TAF11: variants seen among roughly 807,000 people sequenced by gnomAD.
The protein encoded by TAF11 is transcription initiation factor TFIID subunit 11.
In TAF11, 10 loss-of-function variants were observed where a neutral mutation model predicts 23.0. The ratio of observed to expected loss-of-function variants is 0.43; its 90% CI spans 0.27 to 0.74. The LOEUF (loss-of-function observed/expected upper bound fraction) is 0.74. TAF11 is among the 30% of genes least tolerant of loss of function. The pLI, the probability that TAF11 is intolerant of heterozygous loss-of-function variation, is 0.19. For missense variants in TAF11, 196 were observed against 261.7 expected, an observed-to-expected ratio of 0.75 and a Z score of 1.73; for synonymous variants, 85 against 95.8, an observed-to-expected ratio of 0.89 and a Z score of 0.66.
intron 1 of TAF11, among the ~76,000 whole-genome samples, chr6:34,886,114 C>G (rs4646919): frequency 6.6e-6 from 1 of 152,014 alleles, no homozygotes. Flanking sequence ...GGCGGCAGAG[C>G]GAGACTCTGT....
In TAF11 at chr6:34,880,165, A is replaced by C; in HGVS notation, c.409-102T>G. 6.6e-7 allele frequency: 1 copy of C among 1,519,068 alleles called. No homozygotes were observed. Among genetic ancestry groups the C allele is most frequent in the South Asian group, 1.1e-5 (1 of 87,462 alleles). The allele number at this position is 1,519,068 out of a possible 1,614,324, so 94.1% of individuals were successfully genotyped here. On this transcript the variant is annotated intron_variant, in intron 3 of 4. Coordinates refer to ENST00000361288, the MANE Select transcript of TAF11 (RefSeq NM_005643.4). The surrounding 1 kb of genome is among the most constrained non-coding windows in gnomAD (Gnocchi z 4.8). ...GAAAAAGGTAAGATAACTGAAGTGC[A>C]TTTTTTTTCCCACCTAAATAATCCC...
At chr6:34,881,154 T>G (rs1766416952) in intron 2 of TAF11, among the ~76,000 whole-genome samples, 1 of 152,158 alleles carries the variant, frequency 6.6e-6, no homozygotes, top group Non-Finnish European at 1.5e-5. Context: ...TGCAAAGATA[T>G]GTCCAAAGAT....
rs1698124240 is a variant in TAF11 at position 34,883,206 on chromosome 6, A to T, written c.172-126T>A. ...ATTGAGTAGTTTTTCAGTTCTAGGC[A>T]CTGACTGTACCATCAAGGATAAGAT... On this transcript the variant is annotated intron_variant, in intron 1 of 4. Transcript: ENST00000361288. The T allele has an allele frequency of 4.5e-6, 4 of 893,878 alleles. No individual in the cohort carries two copies. In the African/African-American group the frequency reaches 6.8e-5, roughly 15 times the overall value. 55.4% of individuals were successfully genotyped at this position (893,878 alleles called of 1,614,324 possible).
At chr6:34,882,077 C>T (rs1293649938) in intron 2 of TAF11, among the ~76,000 whole-genome samples, 3 of 150,334 alleles carry the variant, frequency 2.0e-5, no homozygotes, top group Admixed American at 6.6e-5. Context: ...CAGTGGCTCA[C>T]ACCTGTAATC....
chr6:34,883,229 GAT>G, intron 1 of TAF11, 149 bp from the exon 2 acceptor site: 1 of 705,324 alleles, frequency 1.4e-6, no homozygotes, highest in Non-Finnish European at 2.3e-6. Flanking sequence ...TCAAGGATAA[GAT>G]ACAGTATCTC....
rs1166378722 is a variant in TAF11 at position 34,878,702 on chromosome 6, T to C, written c.524A>G (p.Lys175Arg). The C allele has an allele frequency of 1.2e-6, 2 of 1,614,100 alleles. No individual in the cohort carries two copies. Residue 175 changes from lysine to arginine, a missense_variant, in exon 5 of 5, where the codon AAG becomes AGG. Physicochemically the swap from Lys to Arg is conservative, Grantham distance 26. Coordinates refer to ENST00000361288, the MANE Select transcript of TAF11 (RefSeq NM_005643.4). ...TTGTAGTGGTGGCATTTCTCCCCACTTCTCACACACATCCAGTGCTAAACA... is the reference window on the plus strand; with the variant it reads ...TTGTAGTGGTGGCATTTCTCCCCACCTCTCACACACATCCAGTGCTAAACA... ...VVEEALDVCEKWGEMPPLQPK... is the reference protein window; with the variant it reads ...VVEEALDVCERWGEMPPLQPK...
At chr6:34,885,980 T>C (rs910810083) in intron 1 of TAF11, among the ~76,000 whole-genome samples, 3 of 151,978 alleles carry the variant, frequency 2.0e-5, no homozygotes, top group East Asian at 3.9e-4. Flanking sequence ...ATACAAAAAT[T>C]AGCTGGGCGC....
Position 34,877,587 on chromosome 6 carries a change from T to TGG in TAF11, c.*1001_*1002dup, listed in dbSNP as rs386406680. 0.071 allele frequency: 10,699 copies of TGG among 151,702 alleles called. 557 individuals carry two copies. Among genetic ancestry groups the TGG allele is most frequent in the East Asian group, 0.23 (1,162 of 5,106 alleles). The allele number at this position is 151,702 out of a possible 1,614,324, so 9.4% of individuals were successfully genotyped here. ...ATATTGTTTATTTTCATCTCAGTCT[T>TGG]GGGGGGGGAATTATTACACTGTTTT... On this transcript the variant is annotated 3_prime_UTR_variant, in exon 5 of 5. Coordinates refer to ENST00000361288, the MANE Select transcript of TAF11 (RefSeq NM_005643.4).
At chr6:34,888,052 C>T (rs1057368302), upstream of TAF11, 18 of 1,545,124 alleles carry the variant, frequency 1.2e-5, no homozygotes, top group African/African-American at 8.2e-5. Context: ...TACTTCCTGT[C>T]GTCGCGCAGC....
At chr6:34,883,112 T>C in intron 1 of TAF11, 32 bp from the exon 2 acceptor site, 1 of 1,588,458 alleles carries the variant, frequency 6.3e-7, no homozygotes, top group Non-Finnish European at 8.5e-7. Flanking sequence ...TATTATATAT[T>C]TGGCCTACTT....
At chr6:34,881,880 TAG>T (rs1766432852) in intron 2 of TAF11, among the ~76,000 whole-genome samples, 1 of 151,534 alleles carries the variant, frequency 6.6e-6, no homozygotes, top group Non-Finnish European at 1.5e-5. Flanking sequence ...GTAATTTTAG[TAG>T]AGACGGGGTT....
rs150166866 is a variant in TAF11, at chr6:34,886,564, C to G, written c.171+1223G>C. Among the ~76,000 whole-genome samples the G allele has an allele frequency of 6.0e-3, 911 of 151,778 alleles. 10 individuals are homozygous for G. Among genetic ancestry groups the G allele is most frequent in the African/African-American group, 0.021 (868 of 41,412 alleles). ...CACTGCAATCTCCGCCTCCCAGGTT[C>G]AAGCGATTCTTGTGCCTCAGCCTCC... On this transcript the variant is annotated intron_variant, in intron 1 of 4. Transcript: ENST00000361288.
intron 1 of TAF11, among the ~76,000 whole-genome samples, chr6:34,886,968 C>T (rs9366871): frequency 0.076 from 11,629 of 152,140 alleles, 650 homozygotes; most frequent in East Asian, 0.33. Flanking sequence ...CTAGGCAACA[C>T]TGCTGAACTC....
chr6:34,885,157 C>G (rs1766506879), intron 1 of TAF11, among the ~76,000 whole-genome samples: 2 of 151,818 alleles, frequency 1.3e-5, no homozygotes, highest in Admixed American at 1.3e-4. Context: ...TCATAGCTCA[C>G]TGAAGCCTCA....
chr6:34,887,763 C>T, intron 1 of TAF11, 24 bp downstream of exon 1: 1 of 1,613,866 alleles, frequency 6.2e-7, no homozygotes, highest in Non-Finnish European at 8.5e-7. Context: ...ATTCCTTCAG[C>T]CTCATCAGTA....
At chr6:34,883,209 G>GAAAA in intron 1 of TAF11, 129 bp from the exon 2 acceptor site, 1 of 871,124 alleles carries the variant, frequency 1.1e-6, no homozygotes, top group Non-Finnish European at 1.7e-6. Context: ...TCTAGGCACT[G>GAAAA]ACTGTACCAT....
At chr6:34,885,657 G>A (rs1170236139) in intron 1 of TAF11, among the ~76,000 whole-genome samples, 4 of 152,110 alleles carry the variant, frequency 2.6e-5, no homozygotes, top group African/African-American at 9.7e-5. Context: ...TCAAATCCTT[G>A]CTGTCCTTGA....
chr6:34,882,846 G>T (rs987497282), intron 2 of TAF11, 86 bp downstream of exon 2: 26 of 1,451,818 alleles, frequency 1.8e-5, no homozygotes, highest in Non-Finnish European at 2.3e-5. Context: ...GTTTATAAAA[G>T]AAAATTTAAA....
In TAF11 at chr6:34,887,977, G is replaced by C. The variant is rs375560595; in HGVS notation, c.-20C>G. On this transcript the variant is annotated 5_prime_UTR_variant, in exon 1 of 5. Transcript: ENST00000361288. ...GTCCATCACGGATAGGATTGGAGGG[G>C]AGAGGAGATCGCGGAGATGCCTGAG... is the stretch of plus-strand genomic sequence containing the variant. 6.2e-7 allele frequency: 1 copy of C among 1,613,260 alleles called. No homozygotes were observed. Among genetic ancestry groups the C allele is most frequent in the Non-Finnish European group, 8.5e-7 (1 of 1,179,390 alleles).
Sources: allele counts gnomAD v4.1 joint callset (sites outside exome capture counted in the v4.1 genomes callset), GRCh38; gene constraint gnomAD v4.1.1; non-coding constraint Gnocchi (gnomAD v3.1); transcripts MANE v1.5; gene names NCBI Gene and HGNC (gene_info 2026-07-23, HGNC 2026-07-21).